Variants in OR8B8 observed in about 807,000 individuals in gnomAD.
The protein encoded by OR8B8 is olfactory receptor family 8 subfamily B member 8, also known as olfactory receptor 8B8.
OR8B8 carries 8 observed loss-of-function variants against 10.5 expected under a neutral mutation model. The ratio of observed to expected loss-of-function variants is 0.76; its 90% CI spans 0.45 to 1.38. The LOEUF (loss-of-function observed/expected upper bound fraction) is 1.38. OR8B8 is among the 40% of genes most tolerant of loss of function. The pLI is 0.00. For synonymous variants in OR8B8, 150 were observed against 145.2 expected (o/e 1.03, Z -0.24); for missense variants, 390 against 380.5 (o/e 1.03, Z -0.21).
chr11:124,442,845 C>T (rs1258473415), intron 1 of OR8B8, among the ~76,000 whole-genome samples: 13 of 152,162 alleles, frequency 8.5e-5, no homozygotes, highest in Admixed American at 8.5e-4. Flanking sequence ...CTTGGAGCCC[C>T]ATAAATTTGA....
Position 124,437,549 on chromosome 11 carries a change from G to A in OR8B8, c.*2601C>T, listed in dbSNP as rs11825705. 0.018 allele frequency: 2,750 copies of A among 152,198 alleles called. 68 individuals carry two copies. Among genetic ancestry groups the A allele is most frequent in the African/African-American group, 0.061 (2,522 of 41,472 alleles). The allele number at this position is 152,198 out of a possible 1,614,324, so 9.4% of individuals were successfully genotyped here. A position where few individuals can be genotyped will look rare whatever the true frequency, so the allele number is the denominator to read the frequency against. On this transcript the variant is annotated 3_prime_UTR_variant, in exon 3 of 3. Coordinates refer to ENST00000642064, the MANE Select transcript of OR8B8 (RefSeq NM_012378.2). The stretch of plus-strand genomic sequence containing the variant: ...CAGATTCCGTGTCTGGTGAGAGCCC[G>A]CTTTCTGCCTCATAGACAGAGCCTT...
Position 124,440,303 on chromosome 11 carries a change from T to C in OR8B8, c.783A>G (p.Lys261=), listed in dbSNP as rs776875589. 3.5e-5 allele frequency: 56 copies of C among 1,613,626 alleles called. No individual in the cohort carries two copies. The highest frequency in any genetic ancestry group is 1.6e-4 in the Middle Eastern group (1 of 6,084). The change falls in exon 3 of 3, where the codon AAA becomes AAG. Residue 261 remains lysine, a synonymous_variant. Transcript: ENST00000642064. The part of the protein sequence containing the change: ...FFGSGAFMYL[K]PFSLLAMNQG... ...GGTTCATAGCTAAAAGAGAAAAGGG[T>C]TTGAGGTACATGAATGCTCCTGACC...
Position 124,439,956 on chromosome 11 carries a change from G to T in OR8B8, c.*194C>A, listed in dbSNP as rs971906915. On this transcript the variant is annotated 3_prime_UTR_variant, in exon 3 of 3. Coordinates refer to ENST00000642064, the MANE Select transcript of OR8B8 (RefSeq NM_012378.2). ...TGAGTCTATCCTCAGAAATAGCGGGGAACTGAGTGAAATGATCCTCAAGAC... is the reference window on the plus strand; with the variant it reads ...TGAGTCTATCCTCAGAAATAGCGGGTAACTGAGTGAAATGATCCTCAAGAC... 2.4e-5 allele frequency: 14 copies of T among 573,686 alleles called. No individual in the cohort carries two copies. Among genetic ancestry groups the T allele is most frequent in the Admixed American group, 9.2e-5 (3 of 32,534 alleles). The allele number at this position is 573,686 out of a possible 1,614,324, so 35.5% of individuals were successfully genotyped here.
rs138380648 is a variant in OR8B8, at chr11:124,438,680, A to G, written c.*1470T>C. On this transcript the variant is annotated 3_prime_UTR_variant, in exon 3 of 3. Transcript: ENST00000642064. ...TAATTGAAAATACAATAAAGAAACT[A>G]TCTGCATTTGTTTAAGCAAAAGTGG... 109 of 152,360 alleles carry G rather than the reference A, an allele frequency of 7.2e-4. No homozygotes were observed. Among genetic ancestry groups the G allele is most frequent in the African/African-American group, 2.5e-3 (106 of 41,576 alleles). 9.4% of individuals were successfully genotyped at this position (152,360 alleles called of 1,614,324 possible). A position where few individuals can be genotyped will look rare whatever the true frequency, so the allele number is the denominator to read the frequency against.
Position 124,440,322 on chromosome 11 carries a change from C to G in OR8B8, c.764G>C (p.Gly255Ala). The change falls in exon 3 of 3, where the codon GGA (glycine) becomes GCA (alanine). Residue 255 changes from glycine to alanine, a missense_variant. Gly to Ala is a moderately conservative substitution (Grantham distance 60). Coordinates refer to ENST00000642064, the MANE Select transcript of OR8B8 (RefSeq NM_012378.2). ...IIAVSLFFGS[G>A]AFMYLKPFSL... ...AAAGGGTTTGAGGTACATGAATGCT[C>G]CTGACCCAAAGAACAGAGAAACTGC... 1 of 1,614,196 alleles carries G rather than the reference C, an allele frequency of 6.2e-7. No individual in the cohort carries two copies. Among genetic ancestry groups the G allele is most frequent in the Non-Finnish European group, 8.5e-7 (1 of 1,180,042 alleles).
At position 124,441,044 on chromosome 11, in the gene OR8B8, G is replaced by A. The variant is rs137869845; in HGVS notation, c.42C>T (p.Leu14=). Residue 14 remains leucine (L), a synonymous_variant, in exon 3 of 3, where the codon CTC becomes CTT. Transcript: ENST00000642064. ...CTCCCGGTTGGTCAGTTAAGCCTGC[G>A]AGGATAAACTGTGTCACGAAGGAGG... ...ENSSFVTQFI[L]AGLTDQPGVQ... 19 of 1,613,092 alleles carry A rather than the reference G, an allele frequency of 1.2e-5. No individual in the cohort carries two copies. The highest frequency in any genetic ancestry group is 2.7e-5 in the African/African-American group (2 of 75,018).
Position 124,440,750 on chromosome 11 carries a change from G to A in OR8B8, c.336C>T (p.Ser112=), listed in dbSNP as rs894863642. ...CATACGCCATTGCTGACAGGATGAA[G>A]GACTCAGAGACAACAAAGAAAAGAA... ...FFFLFFVVSE[S]FILSAMAYDR... Residue 112 remains serine, a synonymous_variant, in exon 3 of 3, where the codon TCC becomes TCT. Coordinates refer to ENST00000642064, the MANE Select transcript of OR8B8 (RefSeq NM_012378.2). The A allele has an allele frequency of 1.9e-6, 3 of 1,614,020 alleles. No individual in the cohort carries two copies. In the African/African-American group the frequency reaches 4.0e-5, roughly 22 times the overall value.
intron 2 of OR8B8, 165 bp from the exon 3 acceptor site, chr11:124,441,266 G>A (rs1185956183): frequency 4.4e-5 from 26 of 586,306 alleles, no homozygotes; most frequent in Middle Eastern, 4.4e-4. Flanking sequence ...CCGCCTCCAT[G>A]GCCAGGGCAG....
rs754809251 is a variant in OR8B8 at position 124,438,011 on chromosome 11, G to A, written c.*2139C>T. 1 of 152,142 alleles carries A rather than the reference G, an allele frequency of 6.6e-6. No individual in the cohort carries two copies. Among genetic ancestry groups the A allele is most frequent in the Admixed American group, 6.5e-5 (1 of 15,282 alleles). The allele number at this position is 152,142 out of a possible 1,614,324, so 9.4% of individuals were successfully genotyped here. On this transcript the variant is annotated 3_prime_UTR_variant, in exon 3 of 3. Transcript: ENST00000642064. ...TGTCCCAAGGTCACATAATAAATTA[G>A]TGCAAGTGCTGATATTAAAAGGAAA...
chr11:124,440,419 A>G lies in OR8B8; in HGVS notation c.667T>C (p.Ser223Pro). Residue 223 changes from serine (S) to proline (P), a missense_variant, in exon 3 of 3, where the codon TCC becomes CCC. Physicochemically the swap from Ser to Pro is moderately conservative, Grantham distance 74 (BLOSUM62 -1). Transcript: ENST00000642064. Reference protein sequence around the residue: ...TIFISYALILSSIFHIDSTEG... With the variant: ...TIFISYALILPSIFHIDSTEG... ...GTGGAATCAATGTGGAAGATGCTGG[A>G]GAGAATGAGAGCATAGGAAATGAAG... 1 of 1,614,244 alleles carries G rather than the reference A, an allele frequency of 6.2e-7. No homozygotes were observed.
Position 124,440,240 on chromosome 11 carries a change from C to T in OR8B8, c.846G>A (p.Val282=). The T allele has an allele frequency of 6.2e-7, 1 of 1,614,138 alleles. No homozygotes were observed. The change falls in exon 3 of 3, where the codon GTG becomes GTA. Residue 282 remains valine (V), a synonymous_variant. Coordinates refer to ENST00000642064, the MANE Select transcript of OR8B8 (RefSeq NM_012378.2). ...KVSSLFYTTV[V]PMLNPLIYSL... Reference sequence around the variant, plus strand: ...TATAAATTAATGGGTTGAGCATGGGCACCACAGTGGTATAGAATAGGGAAG... The same window carrying T: ...TATAAATTAATGGGTTGAGCATGGGTACCACAGTGGTATAGAATAGGGAAG...
chr11:124,443,382 T>A (rs1002080262), intron 1 of OR8B8, among the ~76,000 whole-genome samples: 1 of 151,986 alleles, frequency 6.6e-6, no homozygotes, highest in South Asian at 2.1e-4. Flanking sequence ...AATATGAGAG[T>A]GACATGGTCA....
intron 2 of OR8B8, 52 bp from the exon 3 acceptor site, chr11:124,441,153 C>T: frequency 8.7e-7 from 1 of 1,144,766 alleles, no homozygotes; most frequent in Non-Finnish European, 1.2e-6. Flanking sequence ...ACCACTGCTG[C>T]CCTCCCAGTC....
chr11:124,440,863 T>C lies in OR8B8; in HGVS notation c.223A>G (p.Ser75Gly), dbSNP rs1359802349. 3.1e-6 allele frequency: 5 copies of C among 1,613,918 alleles called. No homozygotes were observed. The highest frequency in any genetic ancestry group is 2.7e-5 in the African/African-American group (2 of 74,882). The part of the protein sequence containing the change: ...NLSFIDFCYS[S>G]VITPKMLMSF... ...ATCAGCATTTTGGGAGTGATAACAC[T>C]GGAATAGCAGAAATCTATGAAGGAC... The change falls in exon 3 of 3, where the codon AGT (serine) becomes GGT (glycine). Residue 75 changes from serine to glycine, a missense_variant. Transcript: ENST00000642064.
intron 1 of OR8B8, 54 bp downstream of exon 1, chr11:124,445,522 C>CGCACACACGTGTGTGTGT (rs1861519196): frequency 2.6e-5 from 4 of 151,948 alleles, no homozygotes; most frequent in African/African-American, 9.7e-5. Flanking sequence ...GGTGTGTGTG[C>CGCACACACGTGTGTGTGT]GCACACACGT....
At chr11:124,445,136 C>T (rs1421044210) in intron 1 of OR8B8, among the ~76,000 whole-genome samples, 1 of 152,132 alleles carries the variant, frequency 6.6e-6, no homozygotes. Context: ...CTCTAGTCTC[C>T]TAGTCTCAGC....
In OR8B8 at chr11:124,440,920, G is replaced by C; in HGVS notation, c.166C>G (p.His56Asp). ...ITLIRLNSHL[H>D]TPMYFFLYNL... ...TAGAGGAAGAAGTACATAGGGGTGTGCAAGTGAGAGTTGAGCCTTATCAGG... is the reference window on the plus strand; with the variant it reads ...TAGAGGAAGAAGTACATAGGGGTGTCCAAGTGAGAGTTGAGCCTTATCAGG... The change falls in exon 3 of 3, where the codon CAC (histidine) becomes GAC (aspartate). Residue 56 changes from histidine to aspartate, a missense_variant. Coordinates refer to ENST00000642064, the MANE Select transcript of OR8B8 (RefSeq NM_012378.2). 1.2e-6 allele frequency: 2 copies of C among 1,614,174 alleles called. No individual in the cohort carries two copies. The highest frequency in any genetic ancestry group is 2.2e-5 in the South Asian group (2 of 91,080).
chr11:124,443,846 T>G (rs1464335505), intron 1 of OR8B8, among the ~76,000 whole-genome samples: 3 of 152,184 alleles, frequency 2.0e-5, no homozygotes, highest in Non-Finnish European at 2.9e-5. Context: ...CTTTCAGCCC[T>G]AGGACACCTC....
chr11:124,443,309 G>C (rs1861495408), intron 1 of OR8B8, among the ~76,000 whole-genome samples: 1 of 152,180 alleles, frequency 6.6e-6, no homozygotes, highest in African/African-American at 2.4e-5. Context: ...GGTTCCTGCT[G>C]TGGAGAGACT....
Sources: gnomAD v4.1 joint callset for allele counts (sites outside exome capture counted in the v4.1 genomes callset) on GRCh38, gnomAD v4.1.1 for gene constraint, MANE v1.5 for transcripts, NCBI Gene and HGNC (gene_info 2026-07-23, HGNC 2026-07-21) for gene names.